The following AGAP1 variants were observed in gnomAD, a reference collection of about 807,000 sequenced individuals.
The protein encoded by AGAP1 is ArfGAP with GTPase domain, ankyrin repeat and PH domain 1, also known as arf-GAP with GTPase, ANK repeat and PH domain-containing protein 1.
In AGAP1, 29 loss-of-function variants were observed where a neutral mutation model predicts 105.3. That is an observed-to-expected ratio of 0.28 (90% CI 0.21 to 0.38). The LOEUF is 0.38. Among genes scored for constraint, AGAP1 ranks in the 10% least tolerant of loss-of-function variants. The pLI is 1.00. For synonymous variants in AGAP1, 509 were observed against 485.9 expected (o/e 1.05, Z -0.63); for missense variants, 998 against 1,165.1 (o/e 0.86, Z 2.09).
Position 235,866,572 on chromosome 2 carries a change from C to T in AGAP1, c.1051-16773C>T, listed in dbSNP as rs557997687. Among the ~76,000 whole-genome samples, 10 of 152,306 alleles carry T rather than the reference C, an allele frequency of 6.6e-5. No individual in the cohort carries two copies. Among genetic ancestry groups the T allele is most frequent in the African/African-American group, 2.4e-4 (10 of 41,572 alleles). ...GTGTGCTGGAGGGGGAAGGGGGAGA[C>T]AGCATTTCTCTGTCCTAGAGCAGTG... is the stretch of plus-strand genomic sequence containing the variant. On this transcript the variant is annotated intron_variant, in intron 9 of 17. Transcript: ENST00000304032. This position sits in a 1 kb window ranked among gnomAD's most constrained non-coding sequence, Gnocchi z 6.1.
At chr2:235,916,228 A>G (rs1410544942) in intron 11 of AGAP1, among the ~76,000 whole-genome samples, 3 of 152,334 alleles carry the variant, frequency 2.0e-5, no homozygotes, top group African/African-American at 4.8e-5. Context: ...TTCCTCATTC[A>G]AGGTCACTGG....
chr2:236,028,374 C>T (rs908171624), intron 13 of AGAP1, among the ~76,000 whole-genome samples: 1 of 152,190 alleles, frequency 6.6e-6, no homozygotes, highest in Non-Finnish European at 1.5e-5. Context: ...GCCACCTCTT[C>T]TGAGTGGCTG....
intron 2 of AGAP1, among the ~76,000 whole-genome samples, chr2:235,709,794 G>A (rs971725751): frequency 2.6e-5 from 4 of 152,154 alleles, no homozygotes; most frequent in Non-Finnish European, 4.4e-5. Context: ...AAATTGGCAC[G>A]TGTAAAAAGT....
At chr2:236,111,408 C>T (rs1480442284) in intron 16 of AGAP1, among the ~76,000 whole-genome samples, 1 of 151,732 alleles carries the variant, frequency 6.6e-6, no homozygotes, top group Admixed American at 6.6e-5. Context: ...TGCAACTGCT[C>T]AAGGGGCTGA....
chr2:235,693,307 C>G (rs561396247), intron 1 of AGAP1, among the ~76,000 whole-genome samples: 3 of 152,210 alleles, frequency 2.0e-5, no homozygotes, highest in South Asian at 4.1e-4. Flanking sequence ...CAAAGCTATC[C>G]CCAAGTAGGC....
chr2:235,567,887 C>T (rs756584660), intron 1 of AGAP1, among the ~76,000 whole-genome samples: 8 of 152,012 alleles, frequency 5.3e-5, no homozygotes, highest in East Asian at 3.9e-4. Context: ...TCTCAATATG[C>T]GGAGGGGCTT....
At position 236,036,282 on chromosome 2, in the gene AGAP1, A is replaced by G. The variant is rs1692755090; in HGVS notation, c.1646-279A>G. On this transcript the variant is annotated intron_variant, in intron 13 of 17. Coordinates refer to ENST00000304032, the MANE Select transcript of AGAP1 (RefSeq NM_001037131.3). This position sits in a 1 kb window ranked among gnomAD's most constrained non-coding sequence, Gnocchi z 5.7. ...TTCTCCTAAGTTGCTTTGTGTGTGCACCACACAGAGACGCTGACATCACTC... is the reference window on the plus strand; with the variant it reads ...TTCTCCTAAGTTGCTTTGTGTGTGCGCCACACAGAGACGCTGACATCACTC... 6.6e-6 allele frequency among the ~76,000 whole-genome samples: 1 copy of G among 152,178 alleles called. No homozygotes were observed. Among genetic ancestry groups the G allele is most frequent in the South Asian group, 2.1e-4 (1 of 4,828 alleles).
chr2:235,810,618 A>T (rs961866236), intron 9 of AGAP1, among the ~76,000 whole-genome samples: 1 of 152,190 alleles, frequency 6.6e-6, no homozygotes, highest in African/African-American at 2.4e-5. Context: ...CGTTCGCTGT[A>T]AGCATCCAGG....
In AGAP1 at chr2:235,872,388, T is replaced by G. The variant is rs186802481; in HGVS notation, c.1051-10957T>G. 2.0e-5 allele frequency among the ~76,000 whole-genome samples: 3 copies of G among 152,178 alleles called. No homozygotes were observed. The highest frequency in any genetic ancestry group is 6.5e-5 in the Admixed American group (1 of 15,282). ...ATCTTAAGCAGAGATGGTTTTCACA[T>G]GTACAAAAGTGGCATCTGAAAGATG... On this transcript the variant is annotated intron_variant, in intron 9 of 17. Coordinates refer to ENST00000304032, the MANE Select transcript of AGAP1 (RefSeq NM_001037131.3). The surrounding 1 kb of genome is among the most constrained non-coding windows in gnomAD (Gnocchi z 4.5).
Position 235,740,019 on chromosome 2 carries a change from G to A in AGAP1, c.311-944G>A, listed in dbSNP as rs149585135. On this transcript the variant is annotated intron_variant, in intron 3 of 17. Coordinates refer to ENST00000304032, the MANE Select transcript of AGAP1 (RefSeq NM_001037131.3). The surrounding 1 kb of genome is among the most constrained non-coding windows in gnomAD (Gnocchi z 5.7). Reference sequence around the variant, plus strand: ...GAAGACAAGAGCTGGGAACCGATGCGTGCCTTCCCTCTTTAAAACAAGAGT... The same window carrying A: ...GAAGACAAGAGCTGGGAACCGATGCATGCCTTCCCTCTTTAAAACAAGAGT... Among the ~76,000 whole-genome samples, 10 of 152,292 alleles carry A rather than the reference G, an allele frequency of 6.6e-5. No individual in the cohort carries two copies. Among genetic ancestry groups the A allele is most frequent in the Admixed American group, 1.3e-4 (2 of 15,298 alleles).
At chr2:235,834,608 G>C in intron 9 of AGAP1, among the ~76,000 whole-genome samples, 1 of 152,094 alleles carries the variant, frequency 6.6e-6, no homozygotes, top group East Asian at 1.9e-4. Flanking sequence ...CAGTTTTTTG[G>C]GTACCATCCA....
intron 16 of AGAP1, among the ~76,000 whole-genome samples, chr2:236,063,927 T>G (rs897286569): frequency 1.3e-5 from 2 of 152,206 alleles, no homozygotes; most frequent in Admixed American, 1.3e-4. Context: ...CCCACTCATA[T>G]AAAAAGCATC....
Position 235,609,866 on chromosome 2 carries a change from T to C in AGAP1, c.164-99313T>C, listed in dbSNP as rs1574957972. 6.6e-6 allele frequency among the ~76,000 whole-genome samples: 1 copy of C among 151,942 alleles called. No individual in the cohort carries two copies. The highest frequency in any genetic ancestry group is 2.4e-5 in the African/African-American group (1 of 41,352). On this transcript the variant is annotated intron_variant, in intron 1 of 17. Transcript: ENST00000304032. The surrounding 1 kb of genome is among the most constrained non-coding windows in gnomAD (Gnocchi z 5.1). ...AACTCTTGGCTTCGTGTTTCAGAGG[T>C]TGGTAAATGGAGTCTTGCTCGCCAG...
At chr2:235,743,473 T>A (rs1230007388) in intron 4 of AGAP1, among the ~76,000 whole-genome samples, 1 of 152,042 alleles carries the variant, frequency 6.6e-6, no homozygotes, top group Non-Finnish European at 1.5e-5. Flanking sequence ...GAAAAGGAGA[T>A]GCCTTCCGTC....
At chr2:235,545,666 A>G (rs1481841536) in intron 1 of AGAP1, among the ~76,000 whole-genome samples, 2 of 152,050 alleles carry the variant, frequency 1.3e-5, no homozygotes, top group African/African-American at 4.8e-5. Flanking sequence ...CTGGAAATCA[A>G]CACGTATTGC....
At chr2:235,672,512 A>G (rs1394468085) in intron 1 of AGAP1, among the ~76,000 whole-genome samples, 1 of 152,234 alleles carries the variant, frequency 6.6e-6, no homozygotes, top group Non-Finnish European at 1.5e-5. Context: ...TCCAACCATT[A>G]TCCCATCCCT....
Position 236,078,537 on chromosome 2 carries a change from G to A in AGAP1, c.2114+29256G>A, listed in dbSNP as rs1231584788. ...AATTCCTTCCCAGCAAAAGCCGCAC[G>A]CTGCTTCTCCCAGAGGGGTGGGGTG... On this transcript the variant is annotated intron_variant, in intron 16 of 17. Transcript: ENST00000304032. The surrounding 1 kb of genome is among the most constrained non-coding windows in gnomAD (Gnocchi z 5.3). Among the ~76,000 whole-genome samples, 1 of 152,162 alleles carries A rather than the reference G, an allele frequency of 6.6e-6. No homozygotes were observed. The highest frequency in any genetic ancestry group is 1.5e-5 in the Non-Finnish European group (1 of 68,030).
chr2:235,510,408 T>C (rs1025906619), intron 1 of AGAP1, among the ~76,000 whole-genome samples: 3 of 152,206 alleles, frequency 2.0e-5, no homozygotes, highest in Admixed American at 2.0e-4. Flanking sequence ...TGAGTAATGT[T>C]CCATTGTATG....
intron 1 of AGAP1, among the ~76,000 whole-genome samples, chr2:235,588,135 C>T (rs575388840): frequency 2.0e-5 from 3 of 151,236 alleles, no homozygotes; most frequent in South Asian, 2.1e-4. Flanking sequence ...GAGACTGAGG[C>T]GGGAGAATTG....
Sources: gnomAD v4.1 joint callset for allele counts (sites outside exome capture counted in the v4.1 genomes callset) on GRCh38, gnomAD v4.1.1 for gene constraint, Gnocchi (gnomAD v3.1) non-coding constraint, MANE v1.5 for transcripts, NCBI Gene and HGNC (gene_info 2026-07-23, HGNC 2026-07-21) for gene names.